Variants in BRINP3 observed in about 807,000 individuals in gnomAD.
BRINP3 encodes BMP/retinoic acid-inducible neural-specific protein 3.
BRINP3 carries 19 observed loss-of-function variants against 71.0 expected under a neutral mutation model. The ratio of observed to expected loss-of-function variants is 0.27; its 90% CI spans 0.19 to 0.39. BRINP3 has a LOEUF of 0.39. BRINP3 is among the 10% of genes least tolerant of loss of function. BRINP3 has a pLI of 1.00. For missense variants in BRINP3, 959 were observed against 940.8 expected, an observed-to-expected ratio of 1.02 and a Z score of -0.25; for synonymous variants, 380 against 337.7, an observed-to-expected ratio of 1.13 and a Z score of -1.37.
In BRINP3 at chr1:190,319,990, T is replaced by C. The variant is rs536938407; in HGVS notation, c.237-38240A>G. Among the ~76,000 whole-genome samples the C allele has an allele frequency of 4.6e-5, 7 of 152,222 alleles. No homozygotes were observed. The South Asian group carries it at 6.2e-4, about 14-fold the overall frequency. Reference sequence around the variant, plus strand: ...TAAAGAATATTCTATAAGTTTTTTGTTTAAATTTTGATCTTTGTGATATAC... The same window carrying C: ...TAAAGAATATTCTATAAGTTTTTTGCTTAAATTTTGATCTTTGTGATATAC... On this transcript the variant is annotated intron_variant, in intron 2 of 7. Coordinates refer to ENST00000367462, the MANE Select transcript of BRINP3 (RefSeq NM_199051.3).
intron 2 of BRINP3, among the ~76,000 whole-genome samples, chr1:190,389,953 T>C (rs1440120306): frequency 6.6e-6 from 1 of 151,780 alleles, no homozygotes; most frequent in Non-Finnish European, 1.5e-5. Context: ...CAGTAATGGC[T>C]CAAAAGAATC....
At chr1:190,335,743 A>G (rs564428085) in intron 2 of BRINP3, among the ~76,000 whole-genome samples, 1 of 152,122 alleles carries the variant, frequency 6.6e-6, no homozygotes, top group East Asian at 1.9e-4. Context: ...GAAAGAAATC[A>G]TCATTACAAT....
intron 1 of BRINP3, among the ~76,000 whole-genome samples, chr1:190,457,541 C>A (rs574333684): frequency 6.6e-6 from 1 of 152,028 alleles, no homozygotes; most frequent in South Asian, 2.1e-4. Context: ...TTCTTTTGTG[C>A]GTCAGATTCC....
chr1:190,333,105 C>G (rs926047920), intron 2 of BRINP3, among the ~76,000 whole-genome samples: 1 of 151,804 alleles, frequency 6.6e-6, no homozygotes. Context: ...TATAATATAC[C>G]TGACCCAACA....
chr1:190,122,567 G>C (rs1176969708), intron 7 of BRINP3, among the ~76,000 whole-genome samples: 1 of 142,382 alleles, frequency 7.0e-6, no homozygotes, highest in Non-Finnish European at 1.5e-5. Flanking sequence ...AACCTTCAGA[G>C]GGTAAAGTGG....
At chr1:190,134,467 T>C (rs538103357) in intron 7 of BRINP3, among the ~76,000 whole-genome samples, 24 of 152,216 alleles carry the variant, frequency 1.6e-4, no homozygotes, top group African/African-American at 5.5e-4. Flanking sequence ...ATAAACATCA[T>C]AACTGCTGTG....
chr1:190,211,417 G>A (rs1443155678), intron 6 of BRINP3, among the ~76,000 whole-genome samples: 2 of 152,002 alleles, frequency 1.3e-5, no homozygotes, highest in Non-Finnish European at 2.9e-5. Context: ...AAGGTGAATA[G>A]GATTACAGTT....
chr1:190,248,500 T>G (rs1393112973), intron 4 of BRINP3, among the ~76,000 whole-genome samples: 1 of 151,792 alleles, frequency 6.6e-6, no homozygotes, highest in East Asian at 1.9e-4. Flanking sequence ...TTCATTCTCC[T>G]ATCTCTACTC....
intron 6 of BRINP3, among the ~76,000 whole-genome samples, chr1:190,207,334 C>G (rs540921270): frequency 5.5e-4 from 84 of 152,192 alleles, no homozygotes; most frequent in Non-Finnish European, 1.0e-3. Flanking sequence ...ACCTTTCTAG[C>G]CTGATGCTTG....
At position 190,179,248 on chromosome 1, in the gene BRINP3, T is replaced by C. The variant is rs537510839; in HGVS notation, c.962-18358A>G. On this transcript the variant is annotated intron_variant, in intron 6 of 7. Coordinates refer to ENST00000367462, the MANE Select transcript of BRINP3 (RefSeq NM_199051.3). ...GAGAAATCTCCCACATCTGCACCTG[T>C]TCATTTTATTAAAATAGAAACACCT... Among the ~76,000 whole-genome samples, 18 of 152,228 alleles carry C rather than the reference T, an allele frequency of 1.2e-4. No individual in the cohort carries two copies. The South Asian group carries it at 3.7e-3, about 32-fold the overall frequency.
At position 190,276,282 on chromosome 1, in the gene BRINP3, T is replaced by G. The variant is rs74129266; in HGVS notation, c.427+5278A>C. Among the ~76,000 whole-genome samples the G allele has an allele frequency of 6.2e-3, 935 of 151,696 alleles. 8 individuals carry two copies. The highest frequency in any genetic ancestry group is 0.021 in the African/African-American group (873 of 41,474). On this transcript the variant is annotated intron_variant, in intron 3 of 7. Coordinates refer to ENST00000367462, the MANE Select transcript of BRINP3 (RefSeq NM_199051.3). ...TGTTATAAACTAAAATGAAATAAAT[T>G]TGTTCTTCCTAACAGACCAAGTGAA...
intron 7 of BRINP3, among the ~76,000 whole-genome samples, chr1:190,124,686 G>A (rs1042169906): frequency 3.3e-5 from 5 of 151,908 alleles, no homozygotes; most frequent in East Asian, 1.9e-4. Context: ...ATGTAACACC[G>A]TGGGTGTAAA....
intron 4 of BRINP3, among the ~76,000 whole-genome samples, chr1:190,250,717 C>T (rs187649508): frequency 7.3e-4 from 111 of 152,060 alleles, no homozygotes; most frequent in Admixed American, 1.7e-3. Flanking sequence ...AGTATGAAGG[C>T]TGCATTTGCC....
intron 2 of BRINP3, among the ~76,000 whole-genome samples, chr1:190,293,270 T>A (rs1245039916): frequency 2.0e-5 from 3 of 152,142 alleles, no homozygotes; most frequent in Non-Finnish European, 4.4e-5. Context: ...TTAATTTTTT[T>A]ATCAATACAT....
At chr1:190,177,329 A>ATTT (rs11307442) in intron 6 of BRINP3, among the ~76,000 whole-genome samples, 5 of 98,690 alleles carry the variant, frequency 5.1e-5, no homozygotes, top group Non-Finnish European at 7.7e-5. Flanking sequence ...TGCCTGGATA[A>ATTT]TTTTTTTTTT....
chr1:190,394,724 T>G (rs1387884681), intron 2 of BRINP3, among the ~76,000 whole-genome samples: 2 of 151,638 alleles, frequency 1.3e-5, no homozygotes, highest in Non-Finnish European at 3.0e-5. Context: ...TCACTGTTAA[T>G]GCTTACCATT....
intron 2 of BRINP3, among the ~76,000 whole-genome samples, chr1:190,377,652 A>G (rs187114055): frequency 6.6e-6 from 1 of 150,838 alleles, no homozygotes; most frequent in East Asian, 1.9e-4. Context: ...ACACATACAC[A>G]CACACAAAGT....
At chr1:190,214,373 A>C (rs1199478995) in intron 6 of BRINP3, among the ~76,000 whole-genome samples, 1 of 152,074 alleles carries the variant, frequency 6.6e-6, no homozygotes, top group Admixed American at 6.6e-5. Flanking sequence ...TGCTGGACTC[A>C]GTTATTCATG....
In BRINP3 at chr1:190,307,054, C is replaced by G. The variant is rs920921787; in HGVS notation, c.237-25304G>C. ...TAAACTCTTGAGTGTCTACTGAGTG[C>G]AAAATACTCTGTCTTGTATAGTGCG... On this transcript the variant is annotated intron_variant, in intron 2 of 7. Coordinates refer to ENST00000367462, the MANE Select transcript of BRINP3 (RefSeq NM_199051.3). 5.3e-5 allele frequency among the ~76,000 whole-genome samples: 8 copies of G among 151,702 alleles called. 1 individual carries two copies. The highest frequency in any genetic ancestry group is 3.4e-3 in the Middle Eastern group (1 of 294).
Sources: allele counts gnomAD v4.1 joint callset (sites outside exome capture counted in the v4.1 genomes callset), GRCh38; gene constraint gnomAD v4.1.1; transcripts MANE v1.5; gene names NCBI Gene and HGNC (gene_info 2026-07-23, HGNC 2026-07-21).